LRP1B: variants seen among roughly 807,000 people sequenced by gnomAD.
The protein encoded by LRP1B is low-density lipoprotein receptor-related protein 1B.
A neutral mutation model predicts 556.6 loss-of-function variants in LRP1B; 217 were observed. That is an observed-to-expected ratio of 0.39 (90% CI 0.35 to 0.44). The LOEUF (loss-of-function observed/expected upper bound fraction) is 0.44, where lower values mean the gene tolerates loss of function less well. Among genes scored for constraint, LRP1B ranks in the 20% least tolerant of loss-of-function variants. The pLI is 1.00. For synonymous variants in LRP1B, 2,047 were observed against 1,865.8 expected, an observed-to-expected ratio of 1.10 and a Z score of -2.50; for missense variants, 5,053 against 5,620.8, an observed-to-expected ratio of 0.90 and a Z score of 3.23.
chr2:141,928,302 T>A (rs564743145), intron 1 of LRP1B, among the ~76,000 whole-genome samples: 8 of 152,284 alleles, frequency 5.3e-5, no homozygotes, highest in African/African-American at 1.7e-4. Flanking sequence ...GAGAGGTTTT[T>A]ATTTATTAAT....
intron 2 of LRP1B, among the ~76,000 whole-genome samples, chr2:141,650,982 C>T (rs1689766719): frequency 6.6e-6 from 1 of 152,272 alleles, no homozygotes; most frequent in East Asian, 1.9e-4. Flanking sequence ...AGGTAGGCAC[C>T]TTCAACAGCC....
chr2:141,102,288 G>A (rs1002845782), intron 7 of LRP1B, among the ~76,000 whole-genome samples: 6 of 152,002 alleles, frequency 3.9e-5, no homozygotes, highest in African/African-American at 1.4e-4. Flanking sequence ...CAACACAGGC[G>A]ATATACCTCT....
intron 37 of LRP1B, among the ~76,000 whole-genome samples, chr2:140,705,926 T>C (rs1049231785): frequency 6.6e-6 from 1 of 152,130 alleles, no homozygotes; most frequent in Non-Finnish European, 1.5e-5. Context: ...AATAATAATT[T>C]ATTTGCTCCT....
intron 3 of LRP1B, among the ~76,000 whole-genome samples, chr2:141,266,747 T>C (rs2679445): frequency 0.045 from 6,903 of 152,288 alleles, 169 homozygotes; most frequent in South Asian, 0.1. Context: ...CATTTTATTG[T>C]AGATTTTATT....
At chr2:141,282,708 C>T (rs1685554179) in intron 3 of LRP1B, among the ~76,000 whole-genome samples, 1 of 151,854 alleles carries the variant, frequency 6.6e-6, no homozygotes, top group Non-Finnish European at 1.5e-5. Context: ...AGGAGAGAAT[C>T]TCATGGTCTA....
intron 8 of LRP1B, among the ~76,000 whole-genome samples, chr2:141,059,581 T>C (rs1029228730): frequency 3.3e-5 from 5 of 151,818 alleles, no homozygotes; most frequent in South Asian, 2.1e-4. Flanking sequence ...CAGAAAGTAA[T>C]ATATAAAGAA....
intron 8 of LRP1B, among the ~76,000 whole-genome samples, chr2:141,060,668 A>C (rs1293291310): frequency 2.0e-5 from 3 of 151,736 alleles, no homozygotes; most frequent in Non-Finnish European, 2.9e-5. Flanking sequence ...GCAATTGGTC[A>C]AGGTAGAAAA....
intron 1 of LRP1B, among the ~76,000 whole-genome samples, chr2:141,988,203 T>G (rs1255362374): frequency 6.6e-6 from 1 of 151,846 alleles, no homozygotes; most frequent in Non-Finnish European, 1.5e-5. Context: ...TGAAGGACAA[T>G]GAAGTCTTAA....
intron 43 of LRP1B, among the ~76,000 whole-genome samples, chr2:140,564,153 T>A (rs187969255): frequency 1.2e-3 from 187 of 152,256 alleles, no homozygotes; most frequent in African/African-American, 4.2e-3. Context: ...AAGATTTAAT[T>A]AGATGAATAC....
intron 66 of LRP1B, among the ~76,000 whole-genome samples, chr2:140,416,425 G>A (rs995828057): frequency 2.0e-5 from 3 of 152,184 alleles, no homozygotes; most frequent in Admixed American, 6.5e-5. Flanking sequence ...GGAGGCTGAG[G>A]TGGGCAGATC....
chr2:141,178,850 A>G (rs202171506), intron 7 of LRP1B, among the ~76,000 whole-genome samples: 1 of 82,124 alleles, frequency 1.2e-5, no homozygotes, highest in Non-Finnish European at 2.7e-5. Flanking sequence ...TTCTTGAATA[A>G]CTCCTTGATA....
chr2:141,656,344 C>T (rs1690007783), intron 2 of LRP1B, among the ~76,000 whole-genome samples: 1 of 151,964 alleles, frequency 6.6e-6, no homozygotes, highest in African/African-American at 2.4e-5. Context: ...TGAAGGAATC[C>T]CTTATAAGAC....
At chr2:142,015,740 T>G (rs1296530464) in intron 1 of LRP1B, among the ~76,000 whole-genome samples, 5 of 151,902 alleles carry the variant, frequency 3.3e-5, no homozygotes, top group African/African-American at 4.8e-5. Flanking sequence ...ACGTCTGTAA[T>G]CCCAGCACTT....
At chr2:141,791,727 C>T (rs777627034) in intron 2 of LRP1B, among the ~76,000 whole-genome samples, 1 of 151,992 alleles carries the variant, frequency 6.6e-6, no homozygotes, top group East Asian at 1.9e-4. Flanking sequence ...ACAGAGCAGA[C>T]GTACAACACT....
At chr2:140,461,484 T>C (rs1687316885) in intron 60 of LRP1B, among the ~76,000 whole-genome samples, 1 of 152,194 alleles carries the variant, frequency 6.6e-6, no homozygotes, top group South Asian at 2.1e-4. Flanking sequence ...TTTAAGAATC[T>C]AAATGTTATC....
intron 35 of LRP1B, among the ~76,000 whole-genome samples, chr2:140,735,479 T>C (rs998164880): frequency 6.6e-6 from 1 of 152,114 alleles, no homozygotes; most frequent in Non-Finnish European, 1.5e-5. Flanking sequence ...GACGCTCTAA[T>C]TGAGCTCCAG....
In LRP1B at chr2:140,381,983, GC is replaced by G. The variant is rs547421281; in HGVS notation, c.10532-3698del. Among the ~76,000 whole-genome samples the G allele has an allele frequency of 2.0e-5, 3 of 151,368 alleles. No individual in the cohort carries two copies. The South Asian group carries it at 6.2e-4, about 31-fold the overall frequency. ...ACATACAACCACAGAACTGAAAAGA[GC>G]TTTGGAAGTCAACTTACACAAAACT... On this transcript the variant is annotated intron_variant, in intron 67 of 90. Coordinates refer to ENST00000389484, the MANE Select transcript of LRP1B (RefSeq NM_018557.3).
In LRP1B at chr2:140,815,311, C is replaced by CT. The variant is rs67346994; in HGVS notation, c.5210-1506dup. Among the ~76,000 whole-genome samples, 52 of 151,168 alleles carry CT rather than the reference C, an allele frequency of 3.4e-4. 2 individuals are homozygous for CT. In the East Asian group the frequency reaches 5.8e-3, roughly 17 times the overall value. On this transcript the variant is annotated intron_variant, in intron 31 of 90. Transcript: ENST00000389484. ...CATTTATCTCTATGGATTAGACCCT[C>CT]TTTTTTTTTCCTGAGAGTTGGGGTC...
chr2:141,437,071 A>T (rs116610008), intron 3 of LRP1B, among the ~76,000 whole-genome samples: 2,575 of 152,210 alleles, frequency 0.017, 44 homozygotes, highest in Non-Finnish European at 0.022. Context: ...AAATAAACTA[A>T]TACTCTATCA....
Sources: allele counts gnomAD v4.1 joint callset (sites outside exome capture counted in the v4.1 genomes callset), GRCh38; gene constraint gnomAD v4.1.1; transcripts MANE v1.5; gene names NCBI Gene and HGNC (gene_info 2026-07-23, HGNC 2026-07-21).